The following RSRC1 variants were observed in gnomAD, a reference collection of about 807,000 sequenced individuals.
RSRC1 encodes the protein serine/Arginine-related protein 53.
Under a neutral mutation model 49.1 loss-of-function variants are expected in RSRC1, and 39 were observed. The ratio of observed to expected loss-of-function variants is 0.79; its 90% confidence interval spans 0.61 to 1.04. The LOEUF (loss-of-function observed/expected upper bound fraction) is 1.04, where lower values mean the gene tolerates loss of function less well. Among genes scored for constraint, RSRC1 ranks in the 50% least tolerant of loss-of-function variants. The probability of loss-of-function intolerance (pLI) is 0.00; values close to 1 mark genes in which losing one functional copy is unlikely to be tolerated. For synonymous variants in RSRC1, 143 were observed against 130.8 expected (o/e 1.09, Z -0.63); for missense variants, 388 against 402.4 (o/e 0.96, Z 0.31).
chr3:158,371,141 G>A (rs968791413), intron 6 of RSRC1, among the ~76,000 whole-genome samples: 1 of 151,612 alleles, frequency 6.6e-6, no homozygotes, highest in Non-Finnish European at 1.5e-5. Flanking sequence ...ATATTGTTGA[G>A]TTATAGTTAT....
At chr3:158,443,202 C>T (rs1736482755) in intron 6 of RSRC1, among the ~76,000 whole-genome samples, 1 of 152,154 alleles carries the variant, frequency 6.6e-6, no homozygotes, top group African/African-American at 2.4e-5. Flanking sequence ...ACACGAGAGT[C>T]AGCTTGTCCT....
At chr3:158,175,873 C>T (rs917867560) in intron 3 of RSRC1, among the ~76,000 whole-genome samples, 7 of 152,202 alleles carry the variant, frequency 4.6e-5, no homozygotes, top group Admixed American at 2.6e-4. Context: ...GATCTTCAGT[C>T]ACTGATACCC....
intron 4 of RSRC1, among the ~76,000 whole-genome samples, chr3:158,206,909 G>A (rs191233368): frequency 6.4e-4 from 98 of 152,064 alleles, no homozygotes; most frequent in Middle Eastern, 3.4e-3. Context: ...GTGAGACTCC[G>A]TTTAAAAAAA....
At chr3:158,478,152 T>A (rs1409260253) in intron 7 of RSRC1, among the ~76,000 whole-genome samples, 1 of 151,882 alleles carries the variant, frequency 6.6e-6, no homozygotes, top group African/African-American at 2.4e-5. Flanking sequence ...ATCTTATCAC[T>A]CCTACCACTT....
intron 6 of RSRC1, among the ~76,000 whole-genome samples, chr3:158,371,250 G>T (rs1355838139): frequency 6.6e-6 from 1 of 151,716 alleles, no homozygotes; most frequent in Non-Finnish European, 1.5e-5. Flanking sequence ...AAAAATTAAT[G>T]ATTTGTATAC....
chr3:158,518,888 C>G (rs956493895), intron 7 of RSRC1, among the ~76,000 whole-genome samples: 2 of 152,120 alleles, frequency 1.3e-5, no homozygotes. Flanking sequence ...TACAGGAACT[C>G]AGTCTTTTTC....
chr3:158,448,952 A>G (rs1736876793), intron 6 of RSRC1, among the ~76,000 whole-genome samples: 1 of 151,954 alleles, frequency 6.6e-6, no homozygotes, highest in South Asian at 2.1e-4. Context: ...CTCATTCAAT[A>G]TGCTCCAACT....
At chr3:158,229,788 A>G (rs1168729415) in intron 4 of RSRC1, among the ~76,000 whole-genome samples, 1 of 151,772 alleles carries the variant, frequency 6.6e-6, no homozygotes, top group African/African-American at 2.4e-5. Flanking sequence ...TCTCTTGACT[A>G]CACACATGTA....
chr3:158,112,108 C>T (rs934617432), intron 1 of RSRC1, among the ~76,000 whole-genome samples: 3 of 152,190 alleles, frequency 2.0e-5, no homozygotes, highest in African/African-American at 4.8e-5. Flanking sequence ...AAACCAAGAG[C>T]TATAGGAGCT....
At chr3:158,140,016 G>A (rs1029499057) in intron 3 of RSRC1, among the ~76,000 whole-genome samples, 9 of 152,196 alleles carry the variant, frequency 5.9e-5, no homozygotes, top group African/African-American at 2.2e-4. Context: ...CCAAAGATTT[G>A]TGTTGAAATA....
chr3:158,123,772 A>G (rs1578107053), intron 2 of RSRC1, 94 bp from the exon 3 acceptor site: 3 of 1,215,012 alleles, frequency 2.5e-6, no homozygotes, highest in East Asian at 2.5e-5. Context: ...GAGACAGTAA[A>G]AATCAGATGA....
chr3:158,410,925 A>G (rs752666821), intron 6 of RSRC1, among the ~76,000 whole-genome samples: 33 of 152,126 alleles, frequency 2.2e-4, no homozygotes, highest in Non-Finnish European at 4.7e-4. Flanking sequence ...CCATCTTCTG[A>G]TAGTTCCTGT....
rs576159887 is a variant in RSRC1, at chr3:158,192,519, G to A, written c.321-10553G>A. ...GGTAAGGTGGGAGAAGTAGAAGATT[G>A]GGAAATAAGGTGCTAGGGAGGATTG... On this transcript the variant is annotated intron_variant, in intron 3 of 9. Coordinates refer to ENST00000611884, the MANE Select transcript of RSRC1 (RefSeq NM_001271838.2). 3.3e-5 allele frequency among the ~76,000 whole-genome samples: 5 copies of A among 152,118 alleles called. No individual in the cohort carries two copies. In the South Asian group the frequency reaches 1.0e-3, roughly 32 times the overall value.
chr3:158,315,121 A>G (rs962085987), intron 5 of RSRC1, among the ~76,000 whole-genome samples: 1 of 152,130 alleles, frequency 6.6e-6, no homozygotes, highest in Non-Finnish European at 1.5e-5. Context: ...TATGAAACCA[A>G]ATGTAAACTC....
intron 6 of RSRC1, among the ~76,000 whole-genome samples, chr3:158,427,854 G>T (rs1435317272): frequency 6.6e-6 from 1 of 151,660 alleles, no homozygotes; most frequent in East Asian, 2.0e-4. Flanking sequence ...CTTGCCTATT[G>T]TTGAGTATTT....
intron 8 of RSRC1, among the ~76,000 whole-genome samples, chr3:158,541,552 C>G (rs1713032464): frequency 6.6e-6 from 1 of 152,084 alleles, no homozygotes; most frequent in African/African-American, 2.4e-5. Context: ...AACAAATTAA[C>G]CTAAGAACAG....
At chr3:158,131,821 T>C (rs997816047) in intron 3 of RSRC1, among the ~76,000 whole-genome samples, 1 of 152,184 alleles carries the variant, frequency 6.6e-6, no homozygotes, top group Non-Finnish European at 1.5e-5. Context: ...AGGAAAATTT[T>C]TGTTAATAAT....
rs1347294596 is a variant in RSRC1, at chr3:158,430,063, C to CCA, written c.584-30863_584-30862dup. 6.1e-4 allele frequency among the ~76,000 whole-genome samples: 62 copies of CCA among 101,914 alleles called. 1 individual carries two copies. The highest frequency in any genetic ancestry group is 2.4e-3 in the African/African-American group (58 of 23,720). 66.9% of individuals were successfully genotyped at this position (101,914 alleles called of 152,430 possible). A position where few individuals can be genotyped will look rare whatever the true frequency, so the allele number is the denominator to read the frequency against. ...ATTTTTAACACAATAATCATAAAAA[C>CCA]CACACACACAAAAAAAATAAAATAA... On this transcript the variant is annotated intron_variant, in intron 6 of 9. Coordinates refer to ENST00000611884, the MANE Select transcript of RSRC1 (RefSeq NM_001271838.2).
intron 6 of RSRC1, among the ~76,000 whole-genome samples, chr3:158,425,285 G>C (rs1012977428): frequency 4.6e-5 from 7 of 152,124 alleles, no homozygotes; most frequent in Non-Finnish European, 7.4e-5. Flanking sequence ...TTGTGTCTTT[G>C]TTCTCGTTGA....
Sources: gnomAD v4.1 joint callset for allele counts (sites outside exome capture counted in the v4.1 genomes callset) on GRCh38, gnomAD v4.1.1 for gene constraint, MANE v1.5 for transcripts, NCBI Gene and HGNC (gene_info 2026-07-23, HGNC 2026-07-21) for gene names.